Variants in PTPRN2 observed in about 807,000 individuals in gnomAD.
The protein encoded by PTPRN2 is protein tyrosine phosphatase receptor type N2.
In PTPRN2, 74 loss-of-function variants were observed where a neutral mutation model predicts 118.8. That is an observed-to-expected ratio of 0.62 (90% CI 0.52 to 0.76). PTPRN2 has a LOEUF of 0.76. PTPRN2 is among the 30% of genes least tolerant of loss of function. The pLI is 0.00. For missense variants in PTPRN2, 1,481 were observed against 1,394.4 expected (o/e 1.06, Z -0.99); for synonymous variants, 641 against 608.0 (o/e 1.05, Z -0.80).
intron 3 of PTPRN2, among the ~76,000 whole-genome samples, chr7:158,300,353 T>C (rs113578980): frequency 0.021 from 3,148 of 152,190 alleles, 120 homozygotes; most frequent in African/African-American, 0.072. Flanking sequence ...GGTTGGAAGG[T>C]GGGCAGCCTC....
Position 157,617,935 on chromosome 7 carries a change from A to G in PTPRN2, c.2344+3427T>C, listed in dbSNP as rs554780512. The G allele has an allele frequency of 6.6e-6, 1 of 152,392 alleles. No individual in the cohort carries two copies. The highest frequency in any genetic ancestry group is 1.9e-4 in the East Asian group (1 of 5,192). The allele number at this position is 152,392 out of a possible 1,614,324, so 9.4% of individuals were successfully genotyped here. Reference sequence around the variant, plus strand: ...GTTTAGGATATGGCACCAAAATAGTATCATATCCCTGTTCTTCATCTGAAA... The same window carrying G: ...GTTTAGGATATGGCACCAAAATAGTGTCATATCCCTGTTCTTCATCTGAAA... On this transcript the variant is annotated intron_variant, in intron 15 of 22. Coordinates refer to ENST00000389418, the MANE Select transcript of PTPRN2 (RefSeq NM_002847.5). This position sits in a 1 kb window ranked among gnomAD's most constrained non-coding sequence, Gnocchi z 7.5.
intron 1 of PTPRN2, among the ~76,000 whole-genome samples, chr7:158,560,000 A>C (rs1827275332): frequency 6.6e-6 from 1 of 152,222 alleles, no homozygotes; most frequent in South Asian, 2.1e-4. Flanking sequence ...TGTCCCGATT[A>C]AACACTGACT....
At chr7:158,523,530 A>AGTCGTCTGCCCTGGAATGGAGTC (rs1384806281) in intron 1 of PTPRN2, among the ~76,000 whole-genome samples, 1 of 76,364 alleles carries the variant, frequency 1.3e-5, no homozygotes, top group African/African-American at 5.4e-5. Flanking sequence ...CCTGGAGCAG[A>AGTCGTCTGCCCTGGAATGGAGTC]GTCTGCCCTG....
At chr7:157,812,796 G>A (rs1016082922) in intron 12 of PTPRN2, among the ~76,000 whole-genome samples, 1 of 152,158 alleles carries the variant, frequency 6.6e-6, no homozygotes, top group African/African-American at 2.4e-5. Flanking sequence ...GGGCTTCACA[G>A]AAATGGAGGT....
intron 2 of PTPRN2, among the ~76,000 whole-genome samples, chr7:158,411,779 A>G (rs1814115156): frequency 6.6e-6 from 1 of 152,156 alleles, no homozygotes; most frequent in Non-Finnish European, 1.5e-5. Flanking sequence ...ATCCAGACTC[A>G]GCTGCTCTGT....
chr7:157,769,312 A>G (rs1802664764), intron 12 of PTPRN2, among the ~76,000 whole-genome samples: 1 of 152,152 alleles, frequency 6.6e-6, no homozygotes, highest in African/African-American at 2.4e-5. Flanking sequence ...ATTACTGCTA[A>G]TCTGAGAGGC....
intron 2 of PTPRN2, among the ~76,000 whole-genome samples, chr7:158,407,148 C>CCGCG (rs1813533605): frequency 1.6e-5 from 2 of 121,398 alleles, no homozygotes; most frequent in South Asian, 3.5e-4. Flanking sequence ...GTCCTGCGTC[C>CCGCG]TGGGTCCTGG....
chr7:158,133,426 G>C (rs747420122), intron 9 of PTPRN2, among the ~76,000 whole-genome samples: 4 of 152,224 alleles, frequency 2.6e-5, no homozygotes, highest in Non-Finnish European at 4.4e-5. Context: ...GCTTGGTTTG[G>C]TTTTGTTTGA....
rs2128778335 is a variant in PTPRN2, at chr7:157,929,478, A to G, written c.1724-30741T>C. ...GATCGTTTCCCATGCTTAAGCTCAG[A>G]CGCCCACCCAGCACAGCCTCCGCCG... On this transcript the variant is annotated intron_variant, in intron 11 of 22. Coordinates refer to ENST00000389418, the MANE Select transcript of PTPRN2 (RefSeq NM_002847.5). This position sits in a 1 kb window ranked among gnomAD's most constrained non-coding sequence, Gnocchi z 4.4. Among the ~76,000 whole-genome samples, 1 of 152,042 alleles carries G rather than the reference A, an allele frequency of 6.6e-6. No homozygotes were observed. Among genetic ancestry groups the G allele is most frequent in the Non-Finnish European group, 1.5e-5 (1 of 67,950 alleles).
chr7:158,034,820 T>A (rs2128884927), intron 11 of PTPRN2, among the ~76,000 whole-genome samples: 1 of 152,322 alleles, frequency 6.6e-6, no homozygotes, highest in East Asian at 1.9e-4. Context: ...AGCTGGGAGC[T>A]GCTGACAGGG....
At chr7:158,326,758 A>G (rs1391806624) in intron 2 of PTPRN2, among the ~76,000 whole-genome samples, 1 of 142,304 alleles carries the variant, frequency 7.0e-6, no homozygotes, top group East Asian at 2.1e-4. Flanking sequence ...TCTCACATGC[A>G]CGTTTCACAC....
intron 2 of PTPRN2, among the ~76,000 whole-genome samples, chr7:158,424,387 T>C (rs1160627766): frequency 6.6e-6 from 1 of 152,186 alleles, no homozygotes; most frequent in Non-Finnish European, 1.5e-5. Context: ...TTAACGTTTA[T>C]TGCTCCCAAA....
intron 9 of PTPRN2, among the ~76,000 whole-genome samples, chr7:158,130,230 A>T (rs145480388): frequency 0.019 from 2,846 of 152,316 alleles, 72 homozygotes; most frequent in African/African-American, 0.058. Flanking sequence ...CGCAGGACAG[A>T]TGGGTTCTAG....
intron 12 of PTPRN2, among the ~76,000 whole-genome samples, chr7:157,724,696 G>A (rs1020621860): frequency 6.6e-6 from 1 of 152,200 alleles, no homozygotes; most frequent in African/African-American, 2.4e-5. Flanking sequence ...ATAAAGTGCT[G>A]AAGATATCAG....
intron 11 of PTPRN2, among the ~76,000 whole-genome samples, chr7:157,994,260 G>A (rs1297742505): frequency 7.2e-5 from 11 of 152,150 alleles, no homozygotes; most frequent in Non-Finnish European, 1.0e-4. Context: ...ATGGTAACCC[G>A]CCACTGCTTC....
At chr7:157,838,643 G>A (rs1400820675) in intron 12 of PTPRN2, among the ~76,000 whole-genome samples, 10 of 73,342 alleles carry the variant, frequency 1.4e-4, no homozygotes, top group Non-Finnish European at 9.8e-5. Flanking sequence ...TGGATGGCAC[G>A]GGAGAAAGCT....
chr7:158,167,355 G>C lies in PTPRN2; in HGVS notation c.550-64C>G, dbSNP rs918883677. ...TTCCATCGTCAGCTGGGGGCACCAAGATGCCCTTCAGTCTCAGTTTTCAAG... is the reference window on the plus strand; with the variant it reads ...TTCCATCGTCAGCTGGGGGCACCAACATGCCCTTCAGTCTCAGTTTTCAAG... On this transcript the variant is annotated intron_variant, in intron 5 of 22. Transcript: ENST00000389418. 12 of 1,521,480 alleles carry C rather than the reference G, an allele frequency of 7.9e-6. No homozygotes were observed. The Admixed American group carries it at 2.2e-4, about 27-fold the overall frequency. The allele number at this position is 1,521,480 out of a possible 1,614,324, so 94.2% of individuals were successfully genotyped here.
chr7:158,447,198 A>G (rs61461018), intron 2 of PTPRN2, among the ~76,000 whole-genome samples: 18,712 of 152,106 alleles, frequency 0.12, 1,339 homozygotes, highest in East Asian at 0.31. Context: ...GGGCCTGGGC[A>G]GCCTCTCCTA....
intron 13 of PTPRN2, among the ~76,000 whole-genome samples, chr7:157,675,427 C>T (rs575279876): frequency 3.9e-5 from 6 of 152,322 alleles, no homozygotes; most frequent in African/African-American, 1.4e-4. Flanking sequence ...TTGGCTCACC[C>T]GGGCGCCTTC....
Sources: allele counts gnomAD v4.1 joint callset (sites outside exome capture counted in the v4.1 genomes callset), GRCh38; gene constraint gnomAD v4.1.1; non-coding constraint Gnocchi (gnomAD v3.1); transcripts MANE v1.5; gene names NCBI Gene and HGNC (gene_info 2026-07-23, HGNC 2026-07-21).